AGO3: variants seen among roughly 807,000 people sequenced by gnomAD.
The protein encoded by AGO3 is argonaute RISC catalytic component 3.
A neutral mutation model predicts 105.5 loss-of-function variants in AGO3; 16 were observed. The ratio of observed to expected loss-of-function variants is 0.15; its 90% CI spans 0.10 to 0.23. The LOEUF (loss-of-function observed/expected upper bound fraction) is 0.23, where lower values mean the gene tolerates loss of function less well. Among genes scored for constraint, AGO3 ranks in the 10% least tolerant of loss-of-function variants. The probability of loss-of-function intolerance (pLI) is 1.00; values close to 1 mark genes in which losing one functional copy is unlikely to be tolerated. For missense variants in AGO3, 534 were observed against 1,088.0 expected (o/e 0.49, Z 7.16); for synonymous variants, 340 against 367.3 (o/e 0.93, Z 0.85).
chr1:35,975,345 A>G (rs1646937321), intron 5 of AGO3, among the ~76,000 whole-genome samples: 1 of 152,206 alleles, frequency 6.6e-6, no homozygotes, highest in South Asian at 2.1e-4. Context: ...TTTCACAAAT[A>G]TAAGGGCCAC....
rs986318283 is a variant in AGO3, at chr1:36,072,181, G to C, written c.*16436G>C. The C allele has an allele frequency of 6.6e-6, 1 of 152,200 alleles. No homozygotes were observed. Among genetic ancestry groups the C allele is most frequent in the African/African-American group, 2.4e-5 (1 of 41,454 alleles). The allele number at this position is 152,200 out of a possible 1,614,324, so 9.4% of individuals were successfully genotyped here. On this transcript the variant is annotated 3_prime_UTR_variant, in exon 19 of 19. Coordinates refer to ENST00000373191, the MANE Select transcript of AGO3 (RefSeq NM_024852.4). ...ACGAACAAGTTATGAGTGAGACTGA[G>C]AAGCTTGAAGAAGCTGGTTTTTAAG...
intron 2 of AGO3, among the ~76,000 whole-genome samples, chr1:35,962,809 A>G (rs1020915202): frequency 1.3e-5 from 2 of 152,244 alleles, no homozygotes; most frequent in African/African-American, 4.8e-5. Context: ...TGTAAAGTTA[A>G]TAAAACATAA....
intron 5 of AGO3, among the ~76,000 whole-genome samples, chr1:36,000,712 C>A (rs1264850754): frequency 6.6e-6 from 1 of 151,744 alleles, no homozygotes; most frequent in African/African-American, 2.4e-5. Context: ...GATATGTATC[C>A]TGTCAGCCTT....
At position 36,028,391 on chromosome 1, in the gene AGO3, T is replaced by TCC. The variant is rs771926822; in HGVS notation, c.1591+1103_1591+1104dup. ...TAGATGTATCTCCCAATGCTATCCCTCCCCCCCCCCCACCCCACAACAGTC... is the reference window on the plus strand; with the variant it reads ...TAGATGTATCTCCCAATGCTATCCCTCCCCCCCCCCCCCACCCCACAACAGTC... On this transcript the variant is annotated intron_variant, in intron 12 of 18. Transcript: ENST00000373191. Among the ~76,000 whole-genome samples the TCC allele has an allele frequency of 2.1e-4, 12 of 57,200 alleles. No individual in the cohort carries two copies. In the East Asian group the frequency reaches 2.3e-3, roughly 11 times the overall value. The allele number at this position is 57,200 out of a possible 152,430, so 37.5% of individuals were successfully genotyped here. A position where few individuals can be genotyped will look rare whatever the true frequency, so the allele number is the denominator to read the frequency against.
chr1:36,045,777 C>T (rs1460639000), intron 17 of AGO3, among the ~76,000 whole-genome samples: 8 of 151,848 alleles, frequency 5.3e-5, no homozygotes, highest in Non-Finnish European at 1.0e-4. Flanking sequence ...TCCTGACCTC[C>T]GGCGATCCAC....
chr1:36,005,363 C>T (rs1226394661), intron 6 of AGO3, among the ~76,000 whole-genome samples: 1 of 152,152 alleles, frequency 6.6e-6, no homozygotes, highest in East Asian at 1.9e-4. Flanking sequence ...AGTAATAATT[C>T]ATTCTTCGCC....
intron 3 of AGO3, among the ~76,000 whole-genome samples, chr1:35,968,653 T>G (rs1646813985): frequency 6.6e-6 from 1 of 152,240 alleles, no homozygotes; most frequent in African/African-American, 2.4e-5. Context: ...AATCCCTTCA[T>G]GCATCAATGG....
intron 10 of AGO3, 45 bp downstream of exon 10, chr1:36,013,797 AAGT>A (rs1331720722): frequency 6.2e-7 from 1 of 1,605,224 alleles, no homozygotes; most frequent in Non-Finnish European, 8.5e-7. Context: ...TATTGTCTGT[AAGT>A]ATGAAGAGAA....
chr1:36,039,634 G>T (rs538247163), intron 14 of AGO3, among the ~76,000 whole-genome samples, 156 bp from the exon 15 acceptor site: 1 of 151,764 alleles, frequency 6.6e-6, no homozygotes, highest in Non-Finnish European at 1.5e-5. Context: ...GGCACATGCC[G>T]TCATACCCAA....
Position 36,062,804 on chromosome 1 carries a change from A to G in AGO3, c.*7059A>G, listed in dbSNP as rs1381061283. 1.3e-5 allele frequency: 2 copies of G among 152,232 alleles called. No homozygotes were observed. Among genetic ancestry groups the G allele is most frequent in the Non-Finnish European group, 1.5e-5 (1 of 68,034 alleles). The allele number at this position is 152,232 out of a possible 1,614,324, so 9.4% of individuals were successfully genotyped here. A position where few individuals can be genotyped will look rare whatever the true frequency, so the allele number is the denominator to read the frequency against. On this transcript the variant is annotated 3_prime_UTR_variant, in exon 19 of 19. Transcript: ENST00000373191. ...ACACCTCAGTAACCTTGTATGCTGC[A>G]TTATATAATAATGATAGTAAAATTA... is the stretch of plus-strand genomic sequence containing the variant.
At chr1:35,984,193 G>T (rs1346960032) in intron 5 of AGO3, among the ~76,000 whole-genome samples, 1 of 152,132 alleles carries the variant, frequency 6.6e-6, no homozygotes, top group African/African-American at 2.4e-5. Context: ...AATGAGCTGG[G>T]CACAGGGGCT....
intron 17 of AGO3, among the ~76,000 whole-genome samples, chr1:36,047,709 C>T (rs1306932889): frequency 6.6e-6 from 1 of 151,666 alleles, no homozygotes; most frequent in Non-Finnish European, 1.5e-5. Context: ...GGTGATACCC[C>T]ATCCCTACAA....
At chr1:35,932,485 A>G (rs186452935) in intron 1 of AGO3, among the ~76,000 whole-genome samples, 1 of 152,326 alleles carries the variant, frequency 6.6e-6, no homozygotes, top group East Asian at 1.9e-4. Context: ...AACTTTGTTG[A>G]ATAGATTACG....
At chr1:35,999,897 A>G (rs898507106) in intron 5 of AGO3, among the ~76,000 whole-genome samples, 1 of 152,030 alleles carries the variant, frequency 6.6e-6, no homozygotes, top group Non-Finnish European at 1.5e-5. Context: ...AATTAAGTTG[A>G]ATTTACCATG....
At chr1:35,966,127 G>A (rs1646770520) in intron 2 of AGO3, among the ~76,000 whole-genome samples, 1 of 152,064 alleles carries the variant, frequency 6.6e-6, no homozygotes, top group African/African-American at 2.4e-5. Context: ...GCCTGGCCTT[G>A]AATCTTTTAA....
At position 36,039,790 on chromosome 1, in the gene AGO3, G is replaced by A; in HGVS notation, c.1843G>A (p.Val615Ile). ...ATTTATTTTACTTTTTCTAACCTAG[G>A]TTGTAGGTAGTATGGATGCACACCC... The part of the protein sequence containing the change: ...GDGKKPSIAA[V>I]VGSMDAHPSR... The change falls in exon 15 of 19, where the codon GTT becomes ATT. Residue 615 changes from valine (V) to isoleucine (I), a missense_variant and splice_region_variant. Val to Ile is a conservative substitution (Grantham distance 29). This residue lies in a region of AGO3 where 373 missense variants were observed against 854.0 expected (regional missense o/e 0.44). Coordinates refer to ENST00000373191, the MANE Select transcript of AGO3 (RefSeq NM_024852.4). 3.4e-6 allele frequency: 5 copies of A among 1,491,338 alleles called. No homozygotes were observed. The highest frequency in any genetic ancestry group is 4.5e-6 in the Non-Finnish European group (5 of 1,117,328). The allele number at this position is 1,491,338 out of a possible 1,614,324, so 92.4% of individuals were successfully genotyped here.
rs1247522642 is a variant in AGO3, at chr1:36,061,665, TG to T, written c.*5921del. The T allele has an allele frequency of 2.0e-5, 3 of 152,174 alleles. No homozygotes were observed. The highest frequency in any genetic ancestry group is 4.4e-5 in the Non-Finnish European group (3 of 68,018). The allele number at this position is 152,174 out of a possible 1,614,324, so 9.4% of individuals were successfully genotyped here. On this transcript the variant is annotated 3_prime_UTR_variant, in exon 19 of 19. Coordinates refer to ENST00000373191, the MANE Select transcript of AGO3 (RefSeq NM_024852.4). The stretch of plus-strand genomic sequence containing the variant: ...AATTTCTAAGGTAACCAGAATCTAA[TG>T]TATCTATGTTAGGGTCTCAGTAAAG...
chr1:35,939,691 A>G lies in AGO3; in HGVS notation c.20-6001A>G, dbSNP rs550189978. Among the ~76,000 whole-genome samples, 136 of 152,234 alleles carry G rather than the reference A, an allele frequency of 8.9e-4. 1 individual carries two copies. Among genetic ancestry groups the G allele is most frequent in the African/African-American group, 3.1e-3 (129 of 41,550 alleles). On this transcript the variant is annotated intron_variant, in intron 1 of 18. Transcript: ENST00000373191. ...TAACCTTAATTTTCTTATCTGTACA[A>G]TGGGATAGTAAGAAGAGATGACACA... is the stretch of plus-strand genomic sequence containing the variant.
At chr1:36,019,969 A>C (rs1256586998) in intron 11 of AGO3, among the ~76,000 whole-genome samples, 1 of 152,112 alleles carries the variant, frequency 6.6e-6, no homozygotes. Context: ...ACAGGCTTTC[A>C]CCGTGTTGGC....
Sources: gnomAD v4.1 joint callset for allele counts (sites outside exome capture counted in the v4.1 genomes callset) on GRCh38, gnomAD v4.1.1 for gene constraint, gnomAD v4.1.1 regional missense constraint, MANE v1.5 for transcripts, NCBI Gene and HGNC (gene_info 2026-07-23, HGNC 2026-07-21) for gene names.